SH3BP5: variants seen among roughly 807,000 people sequenced by gnomAD.
The protein encoded by SH3BP5 is SH3 domain binding protein 5, also known as SH3 domain-binding protein 5.
A neutral mutation model predicts 43.3 loss-of-function variants in SH3BP5; 22 were observed. The ratio of observed to expected loss-of-function variants is 0.51; its 90% confidence interval spans 0.36 to 0.73. SH3BP5 has a LOEUF of 0.73. Ranked by LOEUF, SH3BP5 falls within the 30% of genes least tolerant of loss-of-function variation. SH3BP5 has a pLI of 0.00. For missense variants in SH3BP5, 529 were observed against 586.9 expected, an observed-to-expected ratio of 0.90 and a Z score of 1.02; for synonymous variants, 255 against 225.8, an observed-to-expected ratio of 1.13 and a Z score of -1.16.
Position 15,304,096 on chromosome 3 carries a change from A to G in SH3BP5, c.330+7T>C. 6.2e-7 allele frequency: 1 copy of G among 1,613,260 alleles called. No individual in the cohort carries two copies. The highest frequency in any genetic ancestry group is 1.1e-5 in the South Asian group (1 of 91,026). ...AGGTAGGGGAGACATCTATGGGGCTATCTTACCTGCCTCGCCACCCTCCGT... is the reference window on the plus strand; with the variant it reads ...AGGTAGGGGAGACATCTATGGGGCTGTCTTACCTGCCTCGCCACCCTCCGT... On this transcript the variant is annotated splice_region_variant and intron_variant, in intron 3 of 8. Transcript: ENST00000383791.
intron 3 of SH3BP5, among the ~76,000 whole-genome samples, chr3:15,273,981 G>A (rs1018765294): frequency 2.6e-5 from 4 of 152,136 alleles, no homozygotes; most frequent in South Asian, 2.1e-4. Flanking sequence ...GGTGGCTCAC[G>A]CCTGGAATCC....
chr3:15,259,810 A>C lies in SH3BP5; in HGVS notation c.627-7T>G. On this transcript the variant is annotated splice_region_variant and splice_polypyrimidine_tract_variant and intron_variant, in intron 5 of 8. Transcript: ENST00000383791. ...CTTGAGTTCAAAATAAGGCCTGCAGAAGACAGGAAGGAAAGCCATCAGAGT... is the reference window on the plus strand; with the variant it reads ...CTTGAGTTCAAAATAAGGCCTGCAGCAGACAGGAAGGAAAGCCATCAGAGT... 2 of 1,613,730 alleles carry C rather than the reference A, an allele frequency of 1.2e-6. No homozygotes were observed. The highest frequency in any genetic ancestry group is 1.7e-6 in the Non-Finnish European group (2 of 1,179,580).
At chr3:15,337,271 G>A (rs1429983513), upstream of SH3BP5, among the ~76,000 whole-genome samples, 3 of 151,690 alleles carry the variant, frequency 2.0e-5, no homozygotes, top group African/African-American at 7.3e-5. Context: ...TTTTAGTAGA[G>A]ATGAAGTTTC....
chr3:15,297,874 G>A (rs1042154761), intron 3 of SH3BP5, among the ~76,000 whole-genome samples: 12 of 151,956 alleles, frequency 7.9e-5, no homozygotes, highest in African/African-American at 2.9e-4. Context: ...CAGAAAAACT[G>A]GCCAACAAAA....
chr3:15,339,119 A>G (rs1242832438), intron 1 of SH3BP5, among the ~76,000 whole-genome samples: 2 of 152,358 alleles, frequency 1.3e-5, no homozygotes, highest in African/African-American at 2.4e-5. Flanking sequence ...TCAAGAGTCT[A>G]TAGAAGCCAG....
At chr3:15,260,896 A>G in intron 5 of SH3BP5, among the ~76,000 whole-genome samples, 1 of 152,262 alleles carries the variant, frequency 6.6e-6, no homozygotes. Context: ...TTGGCAAAGT[A>G]CAATCACAAG....
chr3:15,317,050 C>T (rs988662727), intron 2 of SH3BP5, among the ~76,000 whole-genome samples: 2 of 152,240 alleles, frequency 1.3e-5, no homozygotes, highest in South Asian at 2.1e-4. Flanking sequence ...TCCATGTTTA[C>T]GCCAGGAGGC....
intron 8 of SH3BP5, 37 bp from the exon 9 acceptor site, chr3:15,256,340 A>G: frequency 1.3e-6 from 2 of 1,586,712 alleles, no homozygotes; most frequent in Non-Finnish European, 1.7e-6. Context: ...GTGAGTATTG[A>G]CAATTCTGCC....
chr3:15,273,224 T>C (rs953405083), intron 3 of SH3BP5: 5 of 985,224 alleles, frequency 5.1e-6, no homozygotes, highest in Non-Finnish European at 4.8e-6. Context: ...TTCAGCAACA[T>C]TTAAGGGTAA....
At chr3:15,311,848 A>G (rs1385347463) in intron 2 of SH3BP5, among the ~76,000 whole-genome samples, 4 of 151,756 alleles carry the variant, frequency 2.6e-5, no homozygotes, top group African/African-American at 9.7e-5. Context: ...TAATTTTTAA[A>G]TTTTTTGTAG....
chr3:15,266,049 T>A (rs933841121), intron 4 of SH3BP5, among the ~76,000 whole-genome samples: 1 of 152,118 alleles, frequency 6.6e-6, no homozygotes, highest in African/African-American at 2.4e-5. Context: ...CTTTCTCGAC[T>A]CTCCAATCTC....
rs1312307181 is a variant in SH3BP5 at position 15,330,003 on chromosome 3, G to A, written c.201+501C>T. On this transcript the variant is annotated intron_variant, in intron 2 of 8. Coordinates refer to ENST00000383791, the MANE Select transcript of SH3BP5 (RefSeq NM_004844.5). The stretch of plus-strand genomic sequence containing the variant: ...TGTTACCATTATAATTATATTCTAT[G>A]CACTAGCAGACAATAAAGAAATGAG... 2.0e-5 allele frequency among the ~76,000 whole-genome samples: 3 copies of A among 152,192 alleles called. No individual in the cohort carries two copies. In the East Asian group the frequency reaches 5.8e-4, roughly 29 times the overall value.
At chr3:15,283,215 T>G (rs1463875449) in intron 3 of SH3BP5, among the ~76,000 whole-genome samples, 3 of 152,122 alleles carry the variant, frequency 2.0e-5, no homozygotes, top group African/African-American at 7.2e-5. Context: ...CCGGCCAACA[T>G]GGCAAAACCC....
intron 3 of SH3BP5, among the ~76,000 whole-genome samples, chr3:15,285,167 T>C (rs1380001166): frequency 6.6e-6 from 1 of 152,322 alleles, no homozygotes; most frequent in African/African-American, 2.4e-5. Flanking sequence ...CTAGCTATGG[T>C]AGAAATGATA....
chr3:15,281,866 C>CG (rs1697139878), intron 3 of SH3BP5, among the ~76,000 whole-genome samples: 2 of 152,020 alleles, frequency 1.3e-5, no homozygotes, highest in Admixed American at 6.6e-5. Context: ...TAGCCGGGCG[C>CG]GGTGGTGCAT....
At position 15,285,291 on chromosome 3, in the gene SH3BP5, G is replaced by A. The variant is rs551406012; in HGVS notation, c.331-15414C>T. Among the ~76,000 whole-genome samples, 6 of 152,222 alleles carry A rather than the reference G, an allele frequency of 3.9e-5. No homozygotes were observed. The South Asian group carries it at 1.2e-3, about 32-fold the overall frequency. On this transcript the variant is annotated intron_variant, in intron 3 of 8. Coordinates refer to ENST00000383791, the MANE Select transcript of SH3BP5 (RefSeq NM_004844.5). ...TCTGGACAGGTTTATCCTTGAAAAT[G>A]GCCACTTAGGGTGATGTAAAAGCTC...
upstream of SH3BP5, among the ~76,000 whole-genome samples, chr3:15,335,344 T>C (rs4256110): frequency 0.2 from 29,937 of 151,900 alleles, 3,134 homozygotes; most frequent in South Asian, 0.4. Flanking sequence ...TACCACTGCA[T>C]TCCAGCCTGA....
intron 7 of SH3BP5, among the ~76,000 whole-genome samples, chr3:15,257,909 T>C (rs914602588): frequency 6.6e-6 from 1 of 152,206 alleles, no homozygotes; most frequent in Non-Finnish European, 1.5e-5. Context: ...AATACTGTAA[T>C]GTTGGGGACA....
chr3:15,304,344 C>T lies in SH3BP5; in HGVS notation c.202-113G>A. ...AAGGACTTTACCCAACGTACAGACC[C>T]CTAAAGTAGCACCTTTACAAGACAG... On this transcript the variant is annotated intron_variant, in intron 2 of 8. Coordinates refer to ENST00000383791, the MANE Select transcript of SH3BP5 (RefSeq NM_004844.5). The T allele has an allele frequency of 4.0e-6, 6 of 1,486,996 alleles. No homozygotes were observed. The South Asian group carries it at 7.0e-5, about 17-fold the overall frequency. The allele number at this position is 1,486,996 out of a possible 1,614,324, so 92.1% of individuals were successfully genotyped here.
Sources: gnomAD v4.1 joint callset for allele counts (sites outside exome capture counted in the v4.1 genomes callset) on GRCh38, gnomAD v4.1.1 for gene constraint, MANE v1.5 for transcripts, NCBI Gene and HGNC (gene_info 2026-07-23, HGNC 2026-07-21) for gene names.